GNAL: variants seen among roughly 807,000 people sequenced by gnomAD.
The protein encoded by GNAL is G protein subunit alpha L.
A neutral mutation model predicts 55.1 loss-of-function variants in GNAL; 18 were observed. The ratio of observed to expected loss-of-function variants is 0.33; its 90% CI spans 0.23 to 0.48. The LOEUF (loss-of-function observed/expected upper bound fraction) is 0.48, where lower values mean the gene tolerates loss of function less well. Ranked by LOEUF, GNAL falls within the 20% of genes least tolerant of loss-of-function variation. The pLI is 0.99. For missense variants in GNAL, 412 were observed against 614.1 expected (o/e 0.67, Z 3.48); for synonymous variants, 253 against 237.0 (o/e 1.07, Z -0.62).
rs780491391 is a variant in GNAL at position 11,868,499 on chromosome 18, T to C, written c.911-44T>C. 1 of 1,563,518 alleles carries C rather than the reference T, an allele frequency of 6.4e-7. No individual in the cohort carries two copies. The highest frequency in any genetic ancestry group is 1.2e-5 in the South Asian group (1 of 86,420). The stretch of plus-strand genomic sequence containing the variant: ...TGTGTACTTTCTTGTAACTCCACAG[T>C]GAGGATGTCTAACTGAGGTGCTTTC... On this transcript the variant is annotated intron_variant, in intron 8 of 11. Transcript: ENST00000334049. The surrounding 1 kb of genome is among the most constrained non-coding windows in gnomAD (Gnocchi z 4.0).
chr18:11,795,941 G>T (rs944010100), intron 4 of GNAL, among the ~76,000 whole-genome samples: 4 of 152,192 alleles, frequency 2.6e-5, no homozygotes, highest in African/African-American at 7.2e-5. Flanking sequence ...AGGTGATTGG[G>T]GATAGAGCGT....
intron 4 of GNAL, among the ~76,000 whole-genome samples, chr18:11,810,245 A>C (rs979191427): frequency 6.6e-6 from 1 of 152,162 alleles, no homozygotes; most frequent in South Asian, 2.1e-4. Context: ...ATACAAAAAA[A>C]TAGCCAGGCG....
intron 1 of GNAL, among the ~76,000 whole-genome samples, chr18:11,724,883 G>T (rs1190739984): frequency 6.6e-6 from 1 of 152,202 alleles, no homozygotes; most frequent in Non-Finnish European, 1.5e-5. Context: ...GTAGTGCCTT[G>T]CTCCAAAATC....
rs1191525254 is a variant in GNAL, at chr18:11,883,043, TC to T, written c.*1909del. 2.3e-5 allele frequency: 3 copies of T among 133,164 alleles called. No individual in the cohort carries two copies. The highest frequency in any genetic ancestry group is 5.3e-5 in the Non-Finnish European group (3 of 56,666). 8.2% of individuals were successfully genotyped at this position (133,164 alleles called of 1,614,324 possible). A position where few individuals can be genotyped will look rare whatever the true frequency, so the allele number is the denominator to read the frequency against. On this transcript the variant is annotated 3_prime_UTR_variant, in exon 12 of 12. Coordinates refer to ENST00000334049, the MANE Select transcript of GNAL (RefSeq NM_182978.4). ...TAGAGAAGTGACAGCCTACATTACT[TC>T]ATTATTACTCTTCTTTTAGTCTTTA... is the stretch of plus-strand genomic sequence containing the variant.
chr18:11,735,520 G>A (rs183046696), intron 1 of GNAL, among the ~76,000 whole-genome samples: 372 of 152,124 alleles, frequency 2.4e-3, no homozygotes, highest in African/African-American at 8.6e-3. Context: ...GGAGGCTGAG[G>A]CAGGAGAATC....
Position 11,689,353 on chromosome 18 carries a change from C to G in GNAL, c.-211C>G, listed in dbSNP as rs1024903557. ...ACACAGCAGAAAATGCAAAATGACC[C>G]TCTGGGGCAGTGAGGGGCTGTGGCC... On this transcript the variant is annotated 5_prime_UTR_variant, in exon 1 of 12. Transcript: ENST00000334049. 59 of 345,226 alleles carry G rather than the reference C, an allele frequency of 1.7e-4. No individual in the cohort carries two copies. The highest frequency in any genetic ancestry group is 2.6e-4 in the Non-Finnish European group (50 of 192,060). 21.4% of individuals were successfully genotyped at this position (345,226 alleles called of 1,614,324 possible). A position where few individuals can be genotyped will look rare whatever the true frequency, so the allele number is the denominator to read the frequency against.
chr18:11,828,929 T>C (rs1164322439), intron 5 of GNAL, among the ~76,000 whole-genome samples: 1 of 152,220 alleles, frequency 6.6e-6, no homozygotes, highest in Non-Finnish European at 1.5e-5. Context: ...AAATAGTGCC[T>C]GGCACTTAGT....
intron 11 of GNAL, among the ~76,000 whole-genome samples, chr18:11,878,633 GAT>G: frequency 6.6e-6 from 1 of 152,158 alleles, no homozygotes; most frequent in East Asian, 1.9e-4. Context: ...GCAGTGGCAA[GAT>G]CGTAGCTCAC....
intron 4 of GNAL, among the ~76,000 whole-genome samples, chr18:11,758,614 C>A (rs756303894): frequency 6.6e-6 from 1 of 152,178 alleles, no homozygotes; most frequent in African/African-American, 2.4e-5. Flanking sequence ...ACATATTTTA[C>A]AACACATAAA....
intron 9 of GNAL, 126 bp from the exon 10 acceptor site, chr18:11,872,142 A>G (rs2036412257): frequency 1.6e-6 from 1 of 638,812 alleles, no homozygotes; most frequent in Non-Finnish European, 2.7e-6. Flanking sequence ...GGTGTACTGA[A>G]CTTTCTTGAA....
intron 1 of GNAL, among the ~76,000 whole-genome samples, chr18:11,700,891 T>C (rs2031551163): frequency 6.6e-6 from 1 of 152,218 alleles, no homozygotes; most frequent in South Asian, 2.1e-4. Context: ...TAAGGCGCAA[T>C]GATACCCATT....
At chr18:11,771,231 A>G (rs1281152579) in intron 4 of GNAL, among the ~76,000 whole-genome samples, 4 of 151,460 alleles carry the variant, frequency 2.6e-5, no homozygotes, top group South Asian at 2.1e-4. Flanking sequence ...AAAAAAAAAA[A>G]GAAAAAAAGA....
chr18:11,851,482 G>A, intron 5 of GNAL: 1 of 1,507,330 alleles, frequency 6.6e-7, no homozygotes, highest in Non-Finnish European at 8.8e-7. Context: ...CTTCTCAGCC[G>A]GGCCGCCGAC....
chr18:11,862,657 A>C (rs1194614106), intron 6 of GNAL, among the ~76,000 whole-genome samples: 2 of 152,186 alleles, frequency 1.3e-5, no homozygotes, highest in Non-Finnish European at 2.9e-5. Flanking sequence ...GTGATTATCA[A>C]AATTGCCAGC....
At chr18:11,864,282 T>G (rs567245941) in intron 6 of GNAL, among the ~76,000 whole-genome samples, 2 of 152,012 alleles carry the variant, frequency 1.3e-5, no homozygotes, top group Admixed American at 1.3e-4. Context: ...TTAGTAGAGA[T>G]AGGGTTTCAC....
At chr18:11,875,075 A>G (rs1228489917) in intron 10 of GNAL, among the ~76,000 whole-genome samples, 1 of 152,216 alleles carries the variant, frequency 6.6e-6, no homozygotes, top group Non-Finnish European at 1.5e-5. Context: ...AGAAAGGCCT[A>G]GAGCTAGAGG....
chr18:11,876,566 A>G, intron 10 of GNAL, 55 bp from the exon 11 acceptor site: 1 of 1,025,898 alleles, frequency 9.7e-7, no homozygotes, highest in East Asian at 2.4e-5. Context: ...GTTTTCGTAG[A>G]GTTGTATCTT....
chr18:11,782,538 C>T (rs184148457), intron 4 of GNAL, among the ~76,000 whole-genome samples: 121 of 151,996 alleles, frequency 8.0e-4, no homozygotes, highest in African/African-American at 2.5e-3. Flanking sequence ...GAATGATAGT[C>T]GTAACATTCA....
intron 4 of GNAL, among the ~76,000 whole-genome samples, chr18:11,773,938 C>A (rs1371084147): frequency 1.3e-5 from 2 of 152,264 alleles, no homozygotes; most frequent in South Asian, 4.1e-4. Context: ...GTCTATGTAA[C>A]CTTGGTTGAG....
Sources: gnomAD v4.1 joint callset for allele counts (sites outside exome capture counted in the v4.1 genomes callset) on GRCh38, gnomAD v4.1.1 for gene constraint, Gnocchi (gnomAD v3.1) non-coding constraint, MANE v1.5 for transcripts, NCBI Gene and HGNC (gene_info 2026-07-23, HGNC 2026-07-21) for gene names.